The following KCNS3 variants were observed in gnomAD, a reference collection of about 807,000 sequenced individuals.
KCNS3 encodes delayed-rectifier potassium channel regulatory subunit KCNS3.
A neutral mutation model predicts 31.0 loss-of-function variants in KCNS3; 13 were observed. The observed-to-expected ratio is 0.42, with a 90% CI of 0.27 to 0.67. KCNS3 has a LOEUF of 0.67. Ranked by LOEUF, KCNS3 falls within the 30% of genes least tolerant of loss-of-function variation. The pLI, the probability that KCNS3 is intolerant of heterozygous loss-of-function variation, is 0.25. For synonymous variants in KCNS3, 238 were observed against 241.5 expected, an observed-to-expected ratio of 0.99 and a Z score of 0.13; for missense variants, 545 against 622.4, an observed-to-expected ratio of 0.88 and a Z score of 1.32.
intron 1 of KCNS3, among the ~76,000 whole-genome samples, chr2:17,897,038 C>T (rs1031775317): frequency 5.3e-5 from 8 of 151,568 alleles, no homozygotes; most frequent in African/African-American, 1.9e-4. Flanking sequence ...ACCCTTGCCC[C>T]CCTTGCTACC....
intron 1 of KCNS3, among the ~76,000 whole-genome samples, chr2:17,891,256 G>C (rs538614651): frequency 6.6e-6 from 1 of 152,124 alleles, no homozygotes; most frequent in Non-Finnish European, 1.5e-5. Context: ...CCATTTGCAT[G>C]AAATGTCTTT....
At chr2:17,881,654 G>A (rs1169143105) in intron 1 of KCNS3, among the ~76,000 whole-genome samples, 2 of 152,234 alleles carry the variant, frequency 1.3e-5, no homozygotes, top group African/African-American at 4.8e-5. Context: ...GCCCGGAAAA[G>A]GTGAAGCTAG....
chr2:17,888,703 G>A (rs1415066881), intron 1 of KCNS3, among the ~76,000 whole-genome samples: 1 of 132,720 alleles, frequency 7.5e-6, no homozygotes, highest in Non-Finnish European at 1.6e-5. Context: ...CCCACTTTAT[G>A]TTTTTGTTTG....
At chr2:17,928,033 G>A (rs1662875708) in intron 2 of KCNS3, among the ~76,000 whole-genome samples, 1 of 152,180 alleles carries the variant, frequency 6.6e-6, no homozygotes, top group South Asian at 2.1e-4. Context: ...TATGTCACAG[G>A]CCATTGGTCA....
At chr2:17,891,110 G>C (rs562868759) in intron 1 of KCNS3, among the ~76,000 whole-genome samples, 1 of 152,260 alleles carries the variant, frequency 6.6e-6, no homozygotes, top group South Asian at 2.1e-4. Context: ...TCAGTGTTTG[G>C]TGCATATATG....
chr2:17,927,417 C>G (rs1366330815), intron 2 of KCNS3, among the ~76,000 whole-genome samples: 1 of 152,154 alleles, frequency 6.6e-6, no homozygotes. Flanking sequence ...TATAGCAGTA[C>G]CCCACTCTCT....
At chr2:17,930,472 G>A (rs1662934141) in intron 2 of KCNS3, among the ~76,000 whole-genome samples, 1 of 152,186 alleles carries the variant, frequency 6.6e-6, no homozygotes, top group Non-Finnish European at 1.5e-5. Context: ...TGTGATGAGT[G>A]TGTTGGGGGC....
chr2:17,928,453 G>C (rs1220343593), intron 2 of KCNS3, among the ~76,000 whole-genome samples: 2 of 152,130 alleles, frequency 1.3e-5, no homozygotes, highest in Non-Finnish European at 2.9e-5. Flanking sequence ...TTTTTGTAGA[G>C]ATGGGGTTTT....
chr2:17,929,180 G>A (rs1349352363), intron 2 of KCNS3, among the ~76,000 whole-genome samples: 1 of 152,156 alleles, frequency 6.6e-6, no homozygotes, highest in Admixed American at 6.5e-5. Context: ...TGCCTCTGGT[G>A]GGAATGTCCT....
intron 2 of KCNS3, among the ~76,000 whole-genome samples, chr2:17,928,545 C>G (rs549232046): frequency 1.3e-5 from 2 of 152,188 alleles, no homozygotes; most frequent in East Asian, 3.9e-4. Context: ...TTCATTTTTT[C>G]TTGATTAGCC....
chr2:17,910,645 T>A (rs527694349), intron 1 of KCNS3, among the ~76,000 whole-genome samples: 16 of 152,006 alleles, frequency 1.1e-4, no homozygotes, highest in Admixed American at 2.0e-4. Flanking sequence ...TTTTTTTTTT[T>A]AAATGTTCTA....
At chr2:17,908,283 G>A (rs1478649911) in intron 1 of KCNS3, among the ~76,000 whole-genome samples, 2 of 152,258 alleles carry the variant, frequency 1.3e-5, no homozygotes, top group South Asian at 2.1e-4. Context: ...TCGTCATGTA[G>A]TTCTCGTGCC....
chr2:17,884,100 C>G (rs1415866076), intron 1 of KCNS3, among the ~76,000 whole-genome samples: 1 of 85,806 alleles, frequency 1.2e-5, no homozygotes, highest in Non-Finnish European at 2.0e-5. Flanking sequence ...ACACCAGGGC[C>G]TGTTGTGGGG....
chr2:17,921,478 T>C (rs1451295789), intron 2 of KCNS3, among the ~76,000 whole-genome samples: 1 of 152,222 alleles, frequency 6.6e-6, no homozygotes, highest in African/African-American at 2.4e-5. Flanking sequence ...TTTTTTATAA[T>C]ATCAAGTATC....
At chr2:17,918,916 C>G (rs1029363714) in intron 2 of KCNS3, among the ~76,000 whole-genome samples, 2 of 152,228 alleles carry the variant, frequency 1.3e-5, no homozygotes, top group Non-Finnish European at 2.9e-5. Flanking sequence ...GCAGAGCTTT[C>G]CCATGACAGA....
At chr2:17,922,999 T>A (rs1026674517) in intron 2 of KCNS3, among the ~76,000 whole-genome samples, 4 of 152,212 alleles carry the variant, frequency 2.6e-5, no homozygotes, top group African/African-American at 9.6e-5. Context: ...TAAACCTGTT[T>A]AACTTTTTGA....
At chr2:17,888,633 A>ATCTATATCTATATATATATATC (rs1553341407) in intron 1 of KCNS3, among the ~76,000 whole-genome samples, 3 of 50,468 alleles carry the variant, frequency 5.9e-5, no homozygotes, top group East Asian at 7.5e-4. Flanking sequence ...AAAAATGTAT[A>ATCTATATCTATATATATATATC]TATATATATA....
At chr2:17,886,036 A>T (rs1661646977) in intron 1 of KCNS3, among the ~76,000 whole-genome samples, 1 of 152,154 alleles carries the variant, frequency 6.6e-6, no homozygotes, top group African/African-American at 2.4e-5. Flanking sequence ...AAAAAAACAA[A>T]TACAAACAAA....
intron 1 of KCNS3, among the ~76,000 whole-genome samples, chr2:17,879,062 C>T (rs1231987583): frequency 1.3e-5 from 2 of 152,170 alleles, no homozygotes; most frequent in African/African-American, 2.4e-5. Flanking sequence ...GCGTGAACTG[C>T]GGGCTGTTGA....
Sources: gnomAD v4.1 joint callset for allele counts (sites outside exome capture counted in the v4.1 genomes callset) on GRCh38, gnomAD v4.1.1 for gene constraint, MANE v1.5 for transcripts, NCBI Gene and HGNC (gene_info 2026-07-23, HGNC 2026-07-21) for gene names.